Variants in DMD observed in about 807,000 individuals in gnomAD.
DMD encodes the protein mutant dystrophin.
Under a neutral mutation model 330.1 loss-of-function variants are expected in DMD, and 63 were observed. The observed-to-expected ratio is 0.19, with a 90% CI of 0.16 to 0.24. DMD has a LOEUF of 0.24. Ranked by LOEUF, DMD falls within the 10% of genes least tolerant of loss-of-function variation. The pLI is 1.00. For synonymous variants in DMD, 1,223 were observed against 959.8 expected, an observed-to-expected ratio of 1.27 and a Z score of -5.07; for missense variants, 3,344 against 2,684.1, an observed-to-expected ratio of 1.25 and a Z score of -5.43.
At chrX:32,838,825 T>A (rs1162523348) in intron 4 of DMD, among the ~76,000 whole-genome samples, 1 of 111,943 alleles carries the variant, frequency 8.9e-6, no homozygotes, top group East Asian at 2.8e-4. Context: ...ACACTGTTGG[T>A]GGGAATGTAA....
chrX:31,216,820 G>A (rs970927302), intron 64 of DMD, among the ~76,000 whole-genome samples: 3 of 111,811 alleles, frequency 2.7e-5, no homozygotes, highest in Non-Finnish European at 5.6e-5. Context: ...CACCTGGTTT[G>A]TCATGGTGAG....
intron 12 of DMD, among the ~76,000 whole-genome samples, chrX:32,608,553 G>T (rs1398614299): frequency 9.0e-6 from 1 of 110,608 alleles, no homozygotes; most frequent in Admixed American, 9.6e-5. Context: ...CCACTTTACA[G>T]ATGTATTTTT....
At chrX:31,876,701 A>C (rs1275395969) in intron 47 of DMD, among the ~76,000 whole-genome samples, 1 of 110,078 alleles carries the variant, frequency 9.1e-6, no homozygotes, top group Non-Finnish European at 1.9e-5. Context: ...AAAAAAAACA[A>C]AAAAAACAAA....
intron 1 of DMD, among the ~76,000 whole-genome samples, chrX:33,220,675 T>C (rs1230532437): frequency 1.8e-5 from 2 of 111,850 alleles, no homozygotes; most frequent in Non-Finnish European, 3.8e-5. Flanking sequence ...GTTGTGTGAA[T>C]AAAATTGTCT....
At chrX:32,009,680 T>C in intron 44 of DMD, among the ~76,000 whole-genome samples, 1 of 111,845 alleles carries the variant, frequency 8.9e-6, no homozygotes, top group Non-Finnish European at 1.9e-5. Context: ...CTTAGTTTGA[T>C]ACATTTAGAG....
rs139560167 is a variant in DMD, at chrX:33,170,887, C to T, written c.31+40395G>A. Among the ~76,000 whole-genome samples the T allele has an allele frequency of 1.5e-3, 166 of 111,363 alleles. 2 individuals carry two copies. In the East Asian group the frequency reaches 0.043, roughly 29 times the overall value. Reference sequence around the variant, plus strand: ...TAGGTCTATGTACATTTTGTTTGTCCGTGGATGTCCCATTGATCCAGCACC... The same window carrying T: ...TAGGTCTATGTACATTTTGTTTGTCTGTGGATGTCCCATTGATCCAGCACC... On this transcript the variant is annotated intron_variant, in intron 1 of 78. Transcript: ENST00000357033.
At chrX:33,121,362 C>T (rs192673448) in intron 1 of DMD, among the ~76,000 whole-genome samples, 40 of 110,039 alleles carry the variant, frequency 3.6e-4, no homozygotes, top group African/African-American at 1.3e-3. Context: ...TCCCTAGTAG[C>T]TGGGACTACA....
At chrX:31,180,563 C>T (rs1361164846) in intron 68 of DMD, 82 bp from the exon 69 acceptor site, 21 of 667,836 alleles carry the variant, frequency 3.1e-5, no homozygotes, top group African/African-American at 6.5e-5. Context: ...CCTTCTACCA[C>T]GTTCTAATTT....
Position 31,261,135 on chromosome X carries a change from T to A in DMD, c.9225-119A>T. Reference sequence around the variant, plus strand: ...TTTGCTTTTGAACCATTCGGAATCTTTATTTCAAAGCGCTTCCATAGTGTA... The same window carrying A: ...TTTGCTTTTGAACCATTCGGAATCTATATTTCAAAGCGCTTCCATAGTGTA... On this transcript the variant is annotated intron_variant, in intron 62 of 78. Transcript: ENST00000357033. The A allele has an allele frequency of 6.2e-6, 4 of 640,730 alleles. No individual in the cohort carries two copies. In the South Asian group the frequency reaches 9.9e-5, roughly 16 times the overall value. 52.8% of individuals were successfully genotyped at this position (640,730 alleles called of 1,213,427 possible).
At chrX:33,199,880 C>A (rs937634672) in intron 1 of DMD, among the ~76,000 whole-genome samples, 7 of 111,175 alleles carry the variant, frequency 6.3e-5, no homozygotes, top group Admixed American at 5.8e-4. Context: ...TCTGCAAGTT[C>A]AAGAAAGACG....
chrX:31,994,224 T>G (rs1296995415), intron 44 of DMD, among the ~76,000 whole-genome samples: 1 of 111,823 alleles, frequency 8.9e-6, no homozygotes, highest in African/African-American at 3.2e-5. Context: ...TAAACTGGGA[T>G]AAGTTAGACA....
At chrX:31,313,167 A>T (rs1238369928) in intron 62 of DMD, among the ~76,000 whole-genome samples, 2 of 99,779 alleles carry the variant, frequency 2.0e-5, no homozygotes, top group African/African-American at 7.3e-5. Context: ...TTTAAAAATT[A>T]AAAAAAAAAA....
chrX:32,598,349 T>G (rs1318625833), intron 12 of DMD, among the ~76,000 whole-genome samples: 1 of 111,587 alleles, frequency 9.0e-6, no homozygotes, highest in Admixed American at 9.5e-5. Flanking sequence ...TCCTTGACAG[T>G]CATGTTGAGT....
chrX:32,831,995 G>A (rs909409013), intron 4 of DMD, among the ~76,000 whole-genome samples: 3 of 110,596 alleles, frequency 2.7e-5, no homozygotes, highest in East Asian at 2.8e-4. Context: ...CACGTCCTGC[G>A]TCATTCAGCC....
rs1461082669 is a variant in DMD, at chrX:31,120,970, C to T, written c.*949G>A. 1.8e-5 allele frequency: 2 copies of T among 111,276 alleles called. No individual in the cohort carries two copies. The highest frequency in any genetic ancestry group is 1.9e-4 in the Admixed American group (2 of 10,348). The allele number at this position is 111,276 out of a possible 1,213,427, so 9.2% of individuals were successfully genotyped here. On this transcript the variant is annotated 3_prime_UTR_variant, in exon 79 of 79. Transcript: ENST00000357033. ...CCCTTTAAAAAAATCCAATACTTTA[C>T]TTTACTTTCGTTGTCAGTGGAAAGT...
intron 34 of DMD, among the ~76,000 whole-genome samples, chrX:32,371,333 C>T (rs35211558): frequency 0.42 from 46,063 of 109,483 alleles, 7,432 homozygotes; most frequent in East Asian, 0.72. Context: ...CATTTGTGTG[C>T]GTGTGTGTTT....
rs192648779 is a variant in DMD at position 32,817,335 on chromosome X, G to A, written c.358-695C>T. The stretch of plus-strand genomic sequence containing the variant: ...TAAGAGGTGTACATATGTAGCCTTG[G>A]TTCTATTTTCATTACTTGGTTTCCA... On this transcript the variant is annotated intron_variant, in intron 5 of 78. Transcript: ENST00000357033. Among the ~76,000 whole-genome samples, 5 of 111,820 alleles carry A rather than the reference G, an allele frequency of 4.5e-5. No homozygotes were observed. The East Asian group carries it at 1.1e-3, about 25-fold the overall frequency.
chrX:32,130,544 C>G (rs988133107), intron 44 of DMD, among the ~76,000 whole-genome samples: 8 of 111,026 alleles, frequency 7.2e-5, no homozygotes, highest in Non-Finnish European at 1.3e-4. Context: ...CAAAAAAAGC[C>G]CAACTCTTTA....
At chrX:32,660,728 G>C (rs2060891257) in intron 9 of DMD, among the ~76,000 whole-genome samples, 1 of 111,128 alleles carries the variant, frequency 9.0e-6, no homozygotes, top group African/African-American at 3.3e-5. Context: ...ACAGCCACTT[G>C]CCAACCTGAA....
Sources: allele counts gnomAD v4.1 joint callset (sites outside exome capture counted in the v4.1 genomes callset), GRCh38; gene constraint gnomAD v4.1.1; transcripts MANE v1.5; gene names NCBI Gene and HGNC (gene_info 2026-07-23, HGNC 2026-07-21).